CSNK1G3: variants seen among roughly 807,000 people sequenced by gnomAD.
CSNK1G3 encodes casein kinase 1 gamma 3, also known as casein kinase I isoform gamma-3.
CSNK1G3 carries 23 observed loss-of-function variants against 64.3 expected under a neutral mutation model. The ratio of observed to expected loss-of-function variants is 0.36; its 90% CI spans 0.26 to 0.51. The LOEUF (loss-of-function observed/expected upper bound fraction) is 0.51, where lower values mean the gene tolerates loss of function less well. Among genes scored for constraint, CSNK1G3 ranks in the 20% least tolerant of loss-of-function variants. The pLI is 0.96. For synonymous variants in CSNK1G3, 158 were observed against 162.2 expected, an observed-to-expected ratio of 0.97 and a Z score of 0.20; for missense variants, 357 against 510.5, an observed-to-expected ratio of 0.70 and a Z score of 2.90.
intron 10 of CSNK1G3, 124 bp from the exon 12 acceptor site, chr5:123,604,600 T>TG: frequency 1.9e-6 from 1 of 518,340 alleles, no homozygotes; most frequent in South Asian, 3.4e-5. Flanking sequence ...TTCCTCACAT[T>TG]AACTTTCTAA....
At chr5:123,586,889 G>A (rs750646110) in intron 6 of CSNK1G3, among the ~76,000 whole-genome samples, 27 of 152,124 alleles carry the variant, frequency 1.8e-4, no homozygotes, top group African/African-American at 6.5e-4. Flanking sequence ...TCACAGTCAC[G>A]GCAGAAGGCA....
chr5:123,614,550 C>T, exon 13 of CSNK1G3: 1 of 525,146 alleles, frequency 1.9e-6, no homozygotes, highest in Non-Finnish European at 3.2e-6. Context: ...GGTTGTCTTA[C>T]ATTCTTTTTC....
chr5:123,557,045 GAA>G (rs531955912), intron 3 of CSNK1G3, among the ~76,000 whole-genome samples: 1 of 151,606 alleles, frequency 6.6e-6, no homozygotes, highest in Non-Finnish European at 1.5e-5. Flanking sequence ...ATACTTTAGT[GAA>G]AAAAAATTAA....
chr5:123,570,346 C>CTTTTT lies in CSNK1G3; in HGVS notation c.290-3032_290-3028dup, dbSNP rs370362447. Among the ~76,000 whole-genome samples the CTTTTT allele has an allele frequency of 1.8e-3, 233 of 130,380 alleles. 2 individuals carry two copies. The highest frequency in any genetic ancestry group is 2.2e-3 in the East Asian group (10 of 4,540). 85.5% of individuals were successfully genotyped at this position (130,380 alleles called of 152,430 possible). ...GTAGAGAACGTTTTGACAGTCCTTT[C>CTTTTT]TTTTTTTTTTTTTTTTTTTCTTTTT... On this transcript the variant is annotated intron_variant, in intron 4 of 12. Transcript: ENST00000345990.
chr5:123,526,341 C>T (rs1270515575), intron 1 of CSNK1G3, among the ~76,000 whole-genome samples: 2 of 152,074 alleles, frequency 1.3e-5, no homozygotes, highest in Non-Finnish European at 2.9e-5. Flanking sequence ...AGGCATGAGC[C>T]ACCAGCCTAG....
chr5:123,545,783 A>G (rs1204716783), exon 2 of CSNK1G3: 1 of 1,613,748 alleles, frequency 6.2e-7, no homozygotes, highest in Admixed American at 1.7e-5. Flanking sequence ...TAATGGTTGG[A>G]CCTAACTTTA....
At chr5:123,608,398 A>G (rs1795735010) in intron 12 of CSNK1G3, among the ~76,000 whole-genome samples, 1 of 152,182 alleles carries the variant, frequency 6.6e-6, no homozygotes, top group African/African-American at 2.4e-5. Context: ...ATTAGTAATG[A>G]GGTTTTGTCT....
chr5:123,541,336 A>T (rs1293245606), intron 1 of CSNK1G3, among the ~76,000 whole-genome samples: 1 of 152,214 alleles, frequency 6.6e-6, no homozygotes, highest in African/African-American at 2.4e-5. Flanking sequence ...TTTGTATAAT[A>T]ATAATACAGC....
At chr5:123,520,205 T>G (rs541574141) in intron 1 of CSNK1G3, among the ~76,000 whole-genome samples, 21 of 152,172 alleles carry the variant, frequency 1.4e-4, no homozygotes, top group Non-Finnish European at 2.8e-4. Context: ...GAAAATGATC[T>G]TAAGCATTTC....
chr5:123,605,403 C>T (rs185257593), intron 12 of CSNK1G3, 41 bp downstream of exon 13: 1 of 1,596,874 alleles, frequency 6.3e-7, no homozygotes, highest in Admixed American at 1.7e-5. Context: ...GCTCCATTGA[C>T]TGTAATTTCA....
At chr5:123,524,898 T>C (rs896661445) in intron 1 of CSNK1G3, among the ~76,000 whole-genome samples, 2 of 152,198 alleles carry the variant, frequency 1.3e-5, no homozygotes, top group Non-Finnish European at 2.9e-5. Context: ...ACTGGTGTTA[T>C]ATGCTTTTTA....
Position 123,545,580 on chromosome 5 carries a change from AGTGAT to A in CSNK1G3, c.-81_-77del. On this transcript the variant is annotated 5_prime_UTR_variant, in exon 2 of 13. The change abolishes an upstream ATG in the 5' untranslated region. Transcript: ENST00000345990. ...CATTACCCATCTGGTACAGTTACCT[AGTGAT>A]GTACCTATTTTCACAATACCCTGTT... 9.5e-7 allele frequency: 1 copy of A among 1,054,630 alleles called. No individual in the cohort carries two copies. The highest frequency in any genetic ancestry group is 1.4e-6 in the Non-Finnish European group (1 of 719,278). 65.3% of individuals were successfully genotyped at this position (1,054,630 alleles called of 1,614,324 possible). A position where few individuals can be genotyped will look rare whatever the true frequency, so the allele number is the denominator to read the frequency against.
At chr5:123,608,306 T>C (rs574484129) in intron 12 of CSNK1G3, among the ~76,000 whole-genome samples, 65 of 152,166 alleles carry the variant, frequency 4.3e-4, no homozygotes, top group Non-Finnish European at 8.1e-4. Context: ...TAGTATCTCA[T>C]TGGGGTAAAT....
chr5:123,535,365 A>G (rs1780620645), intron 1 of CSNK1G3, among the ~76,000 whole-genome samples: 1 of 152,088 alleles, frequency 6.6e-6, no homozygotes, highest in East Asian at 1.9e-4. Context: ...TGTAAAGACT[A>G]TTCGTAGGTC....
At chr5:123,572,921 C>T (rs1416209832) in intron 4 of CSNK1G3, among the ~76,000 whole-genome samples, 5 of 152,164 alleles carry the variant, frequency 3.3e-5, no homozygotes, top group African/African-American at 7.2e-5. Context: ...ATCATGCTCA[C>T]GTTCAAAGGG....
intron 6 of CSNK1G3, among the ~76,000 whole-genome samples, chr5:123,580,672 G>C (rs543567578): frequency 1.3e-5 from 2 of 151,966 alleles, no homozygotes; most frequent in Admixed American, 1.3e-4. Context: ...TCTTTTTAAA[G>C]ACTTTTGTTA....
chr5:123,558,997 A>G (rs1028961556), intron 4 of CSNK1G3, among the ~76,000 whole-genome samples: 1 of 152,172 alleles, frequency 6.6e-6, no homozygotes, highest in Non-Finnish European at 1.5e-5. Context: ...GCCCTTCTTA[A>G]GAGATTCTGG....
rs1785080958 is a variant in CSNK1G3 at position 123,558,635 on chromosome 5, A to G, written c.289+1071A>G. Among the ~76,000 whole-genome samples the G allele has an allele frequency of 2.0e-5, 3 of 152,184 alleles. No homozygotes were observed. The South Asian group carries it at 6.2e-4, about 31-fold the overall frequency. On this transcript the variant is annotated intron_variant, in intron 4 of 12. Coordinates refer to ENST00000345990, the Ensembl canonical transcript of CSNK1G3. ...AATGAGTAGTCATTGTAGGGGCAAT[A>G]AGTTTTAAATGTTGTAGTAATGTGT...
At chr5:123,515,892 G>A (rs886230965) in intron 1 of CSNK1G3, among the ~76,000 whole-genome samples, 2 of 152,138 alleles carry the variant, frequency 1.3e-5, no homozygotes, top group Admixed American at 6.5e-5. Flanking sequence ...ACAACTCTGA[G>A]TTAGGTGGTG....
Sources: gnomAD v4.1 joint callset for allele counts (sites outside exome capture counted in the v4.1 genomes callset) on GRCh38, gnomAD v4.1.1 for gene constraint, MANE v1.5 for transcripts, NCBI Gene and HGNC (gene_info 2026-07-23, HGNC 2026-07-21) for gene names.